SEMA6C: variants seen among roughly 807,000 people sequenced by gnomAD.
SEMA6C encodes semaphorin 6C.
A neutral mutation model predicts 72.9 loss-of-function variants in SEMA6C; 37 were observed. That is an observed-to-expected ratio of 0.51 (90% confidence interval 0.39 to 0.67). The LOEUF (loss-of-function observed/expected upper bound fraction) is 0.67, where lower values mean the gene tolerates loss of function less well. SEMA6C is among the 30% of genes least tolerant of loss of function. The probability of loss-of-function intolerance (pLI) is 0.00; values close to 1 mark genes in which losing one functional copy is unlikely to be tolerated. For synonymous variants in SEMA6C, 578 were observed against 554.1 expected, an observed-to-expected ratio of 1.04 and a Z score of -0.61; for missense variants, 1,189 against 1,263.6, an observed-to-expected ratio of 0.94 and a Z score of 0.89.
rs1681728604 is a variant in SEMA6C, at chr1:151,133,295, C to G, written c.1982G>C (p.Gly661Ala). Reference protein sequence around the residue: ...LRSLARLHGGGPEPPPPSKDG... With the variant: ...LRSLARLHGGAPEPPPPSKDG... ...CTTGGAGGGCGGCGGGGGCTCTGGGCCCCCACCGTGGAGCCGGGCCAAACT... is the reference window on the plus strand; with the variant it reads ...CTTGGAGGGCGGCGGGGGCTCTGGGGCCCCACCGTGGAGCCGGGCCAAACT... The change falls in exon 19 of 19, where the codon GGC (glycine) becomes GCC (alanine). Residue 661 changes from glycine to alanine, a missense_variant. Gly to Ala is a moderately conservative substitution (Grantham distance 60). Transcript: ENST00000368914. The surrounding 1 kb of genome is among the most constrained non-coding windows in gnomAD (Gnocchi z 5.9). 7 of 1,577,498 alleles carry G rather than the reference C, an allele frequency of 4.4e-6. No homozygotes were observed. The highest frequency in any genetic ancestry group is 3.6e-5 in the Admixed American group (2 of 56,304).
rs761942094 is a variant in SEMA6C, at chr1:151,135,309, C to T, written c.1434G>A (p.Arg478=). The T allele has an allele frequency of 6.2e-7, 1 of 1,612,816 alleles. No individual in the cohort carries two copies. The change falls in exon 15 of 19, where the codon CGG becomes CGA. Residue 478 remains arginine (R), a splice_region_variant and synonymous_variant. Coordinates refer to ENST00000368914, the MANE Select transcript of SEMA6C (RefSeq NM_030913.6). ...LEEIDAYSPA[R]CSGKRTAQTA... ...TTTGGGCTGTCCGCTTCCCACTGCA[C>T]CTAGGGTGAGGCCAGAAGGAACCAG...
In SEMA6C at chr1:151,134,398, C is replaced by G; in HGVS notation, c.1759+3G>C. 6.3e-7 allele frequency: 1 copy of G among 1,584,632 alleles called. No individual in the cohort carries two copies. On this transcript the variant is annotated splice_donor_region_variant and intron_variant, in intron 18 of 18. Coordinates refer to ENST00000368914, the MANE Select transcript of SEMA6C (RefSeq NM_030913.6). ...AAGGTGAGGTTGGGACAAGAGGACT[C>G]ACCATAAGCAGAATCCCCAGGGCCA...
In SEMA6C at chr1:151,135,589, A is replaced by T. The variant is rs763105004; in HGVS notation, c.1433+2T>A. 4 of 1,609,918 alleles carry T rather than the reference A, an allele frequency of 2.5e-6. No individual in the cohort carries two copies. Among genetic ancestry groups the T allele is most frequent in the Non-Finnish European group, 3.4e-6 (4 of 1,178,354 alleles). ...AGGGGGCCTGCCCTCCAAAGGCCTC[A>T]CCGGGCAGGGCTGTAGGCATCAATC... is the stretch of plus-strand genomic sequence containing the variant. On this transcript the variant is annotated splice_donor_variant, in intron 14 of 18. Transcript: ENST00000368914. LOFTEE classifies it high-confidence loss of function.
At position 151,133,064 on chromosome 1, in the gene SEMA6C, C is replaced by T; in HGVS notation, c.2213G>A (p.Gly738Glu). The T allele has an allele frequency of 2.0e-6, 3 of 1,472,052 alleles. No individual in the cohort carries two copies. The highest frequency in any genetic ancestry group is 2.7e-6 in the Non-Finnish European group (3 of 1,123,770). 91.2% of individuals were successfully genotyped at this position (1,472,052 alleles called of 1,614,324 possible). The change falls in exon 19 of 19, where the codon GGG becomes GAG. Residue 738 changes from glycine to glutamate, a missense_variant. This residue lies in a region of SEMA6C where 721 missense variants were observed against 686.2 expected (regional missense o/e 1.05). Coordinates refer to ENST00000368914, the MANE Select transcript of SEMA6C (RefSeq NM_030913.6). The surrounding 1 kb of genome is among the most constrained non-coding windows in gnomAD (Gnocchi z 5.9). ...GGGCGCGGGCCCGCCCGCCGCGTGC[C>T]CGCCCCGTGAGCGGCCCGGACCCTC... ...AKEGPGRSRG[G>E]HAAGGPAPRV...
Position 151,134,633 on chromosome 1 carries a change from A to G in SEMA6C, c.1701T>C (p.His567=), listed in dbSNP as rs376255283. ...DQAGNQESME[H]GDCQDGATGS... ...TCTTCTGTTTACCTTGGCAGTCACC[A>G]TGCTCCATGGATTCCTGGTTCCCAG... is the stretch of plus-strand genomic sequence containing the variant. The change falls in exon 17 of 19, where the codon CAT becomes CAC. Residue 567 remains histidine, a synonymous_variant. Coordinates refer to ENST00000368914, the MANE Select transcript of SEMA6C (RefSeq NM_030913.6). The G allele has an allele frequency of 9.9e-6, 16 of 1,614,200 alleles. No homozygotes were observed. Among genetic ancestry groups the G allele is most frequent in the Admixed American group, 1.7e-5 (1 of 60,030 alleles).
At chr1:151,138,207 T>C (rs1682224496) in intron 8 of SEMA6C, 102 bp from the exon 9 acceptor site, 2 of 1,580,968 alleles carry the variant, frequency 1.3e-6, no homozygotes, top group East Asian at 2.2e-5. Context: ...CCCTGGTCCC[T>C]ACCTCAACCC....
chr1:151,138,290 T>A, intron 8 of SEMA6C, 26 bp downstream of exon 8: 1 of 1,611,618 alleles, frequency 6.2e-7, no homozygotes, highest in Non-Finnish European at 8.5e-7. Flanking sequence ...GCCACATGCT[T>A]TCTTCTCACA....
chr1:151,136,411 G>A, intron 12 of SEMA6C, 37 bp downstream of exon 12: 2 of 1,602,524 alleles, frequency 1.2e-6, no homozygotes, highest in Non-Finnish European at 1.7e-6. Flanking sequence ...GACGCTGCTT[G>A]CTTCTGCCCC....
In SEMA6C at chr1:151,136,849, G is replaced by A. The variant is rs1355424267; in HGVS notation, c.974+8C>T. 8 of 1,611,234 alleles carry A rather than the reference G, an allele frequency of 5.0e-6. No individual in the cohort carries two copies. The highest frequency in any genetic ancestry group is 5.9e-6 in the Non-Finnish European group (7 of 1,177,808). ...AGATTGGGTCACACTAGTCAGCCTA[G>A]TACCAACCTATTGGTCTGGGTGGTG... On this transcript the variant is annotated splice_region_variant and intron_variant, in intron 11 of 18. Coordinates refer to ENST00000368914, the MANE Select transcript of SEMA6C (RefSeq NM_030913.6).
At position 151,146,116 on chromosome 1, in the gene SEMA6C, G is replaced by C. The variant is rs756381349; in HGVS notation, c.-105+317C>G. 1.3e-5 allele frequency: 2 copies of C among 152,206 alleles called. No individual in the cohort carries two copies. The highest frequency in any genetic ancestry group is 2.9e-5 in the Non-Finnish European group (2 of 68,042). 9.4% of individuals were successfully genotyped at this position (152,206 alleles called of 1,614,324 possible). ...TCCTTGCTGGGAAAGCAAGGGGCCA[G>C]GTTTTCCACGCTCTCTACGGAGCGC... On this transcript the variant is annotated intron_variant, in intron 1 of 18. Coordinates refer to ENST00000368914, the MANE Select transcript of SEMA6C (RefSeq NM_030913.6). This position sits in a 1 kb window ranked among gnomAD's most constrained non-coding sequence, Gnocchi z 4.6.
chr1:151,141,204 T>C (rs587607108), intron 3 of SEMA6C, among the ~76,000 whole-genome samples: 220 of 57,156 alleles, frequency 3.8e-3, no homozygotes, highest in African/African-American at 0.014. Context: ...CTTTCTATCA[T>C]GGTGGGCTTA....
In SEMA6C at chr1:151,132,124, G is replaced by T; in HGVS notation, c.*360C>A. On this transcript the variant is annotated 3_prime_UTR_variant, in exon 19 of 19. Transcript: ENST00000368914. The stretch of plus-strand genomic sequence containing the variant: ...GGAGAGGCACGTCCCAGACCCAGAA[G>T]GCCCGAGGACTCTGGACACAGCGCG... 8.9e-7 allele frequency: 1 copy of T among 1,123,046 alleles called. No individual in the cohort carries two copies. Among genetic ancestry groups the T allele is most frequent in the Non-Finnish European group, 1.2e-6 (1 of 857,230 alleles). 69.6% of individuals were successfully genotyped at this position (1,123,046 alleles called of 1,614,324 possible). A position where few individuals can be genotyped will look rare whatever the true frequency, so the allele number is the denominator to read the frequency against.
chr1:151,141,950 A>G (rs1682590491), intron 3 of SEMA6C, among the ~76,000 whole-genome samples: 1 of 152,004 alleles, frequency 6.6e-6, no homozygotes, highest in Admixed American at 6.5e-5. Context: ...AGACAAAGAA[A>G]GGTTAAGTAA....
intron 2 of SEMA6C, among the ~76,000 whole-genome samples, chr1:151,143,311 G>A (rs187325802): frequency 6.6e-6 from 1 of 151,822 alleles, no homozygotes; most frequent in Non-Finnish European, 1.5e-5. Flanking sequence ...GAGAGTTGGT[G>A]GGGGGGACTG....
Position 151,137,445 on chromosome 1 carries a change from CA to C in SEMA6C, c.756+265del, listed in dbSNP as rs5777762. On this transcript the variant is annotated intron_variant, in intron 10 of 18. Coordinates refer to ENST00000368914, the MANE Select transcript of SEMA6C (RefSeq NM_030913.6). Reference sequence around the variant, plus strand: ...TGGGCGACAGAGCAAGACTCCGTCTCAAAAAAAAAAAAAAAAAGAGCACCAA... The same window carrying C: ...TGGGCGACAGAGCAAGACTCCGTCTCAAAAAAAAAAAAAAAAGAGCACCAA... Among the ~76,000 whole-genome samples the C allele has an allele frequency of 7.4e-3, 774 of 105,280 alleles. 6 individuals carry two copies. The highest frequency in any genetic ancestry group is 0.023 in the African/African-American group (636 of 27,538). The allele number at this position is 105,280 out of a possible 152,430, so 69.1% of individuals were successfully genotyped here. A position where few individuals can be genotyped will look rare whatever the true frequency, so the allele number is the denominator to read the frequency against.
chr1:151,135,051 C>T lies in SEMA6C; in HGVS notation c.1580+112G>A, dbSNP rs1050576538. 4 of 1,478,112 alleles carry T rather than the reference C, an allele frequency of 2.7e-6. No homozygotes were observed. In the African/African-American group the frequency reaches 5.6e-5, roughly 21 times the overall value. The allele number at this position is 1,478,112 out of a possible 1,614,324, so 91.6% of individuals were successfully genotyped here. A position where few individuals can be genotyped will look rare whatever the true frequency, so the allele number is the denominator to read the frequency against. ...CTTCAGAATGCTTGAGGTACCTAGGCACCCCACAGCCATCCCCTGTGTTTT... is the reference window on the plus strand; with the variant it reads ...CTTCAGAATGCTTGAGGTACCTAGGTACCCCACAGCCATCCCCTGTGTTTT... On this transcript the variant is annotated intron_variant, in intron 15 of 18. Coordinates refer to ENST00000368914, the MANE Select transcript of SEMA6C (RefSeq NM_030913.6).
chr1:151,134,449 TGAA>T lies in SEMA6C; in HGVS notation c.1715-7_1715-5del, dbSNP rs748626263. Reference sequence around the variant, plus strand: ...GACTGACTCCCAGTAGCTCCATCTATGAAGAAGGGACAGGGTGAAGATGGGGGG... The same window carrying T: ...GACTGACTCCCAGTAGCTCCATCTATGAAGGGACAGGGTGAAGATGGGGGG... On this transcript the variant is annotated splice_polypyrimidine_tract_variant and splice_region_variant and intron_variant, in intron 17 of 18. Transcript: ENST00000368914. The T allele has an allele frequency of 2.1e-5, 34 of 1,604,130 alleles. No individual in the cohort carries two copies. Among genetic ancestry groups the T allele is most frequent in the Non-Finnish European group, 2.9e-5 (34 of 1,175,084 alleles).
intron 2 of SEMA6C, among the ~76,000 whole-genome samples, chr1:151,144,066 C>T (rs979077230): frequency 6.6e-6 from 1 of 152,012 alleles, no homozygotes; most frequent in Non-Finnish European, 1.5e-5. Flanking sequence ...CTAATGATGA[C>T]CCCCCTTCCC....
Position 151,133,892 on chromosome 1 carries a change from G to A in SEMA6C, c.1760-375C>T. ...GAGCACCAAACACCATTCAGTGAGG[G>A]GCTTAGAACGCTCCGAGAATCAGCA... On this transcript the variant is annotated intron_variant, in intron 18 of 18. Coordinates refer to ENST00000368914, the MANE Select transcript of SEMA6C (RefSeq NM_030913.6). This position sits in a 1 kb window ranked among gnomAD's most constrained non-coding sequence, Gnocchi z 5.9. 7.6e-7 allele frequency: 1 copy of A among 1,321,340 alleles called. No homozygotes were observed. Among genetic ancestry groups the A allele is most frequent in the Non-Finnish European group, 1.1e-6 (1 of 941,754 alleles). 81.9% of individuals were successfully genotyped at this position (1,321,340 alleles called of 1,614,324 possible). A position where few individuals can be genotyped will look rare whatever the true frequency, so the allele number is the denominator to read the frequency against.
Sources: allele counts gnomAD v4.1 joint callset (sites outside exome capture counted in the v4.1 genomes callset), GRCh38; gene constraint gnomAD v4.1.1; regional missense constraint gnomAD v4.1.1; non-coding constraint Gnocchi (gnomAD v3.1); transcripts MANE v1.5; gene names NCBI Gene and HGNC (gene_info 2026-07-23, HGNC 2026-07-21).